The following KIF18A variants were observed in gnomAD, a reference collection of about 807,000 sequenced individuals.
KIF18A encodes kinesin-like protein KIF18A.
In KIF18A, 67 loss-of-function variants were observed where a neutral mutation model predicts 103.3. That is an observed-to-expected ratio of 0.65 (90% CI 0.53 to 0.79). KIF18A has a LOEUF of 0.79. Among genes scored for constraint, KIF18A ranks in the 30% least tolerant of loss-of-function variants. The pLI is 0.00. For missense variants in KIF18A, 1,032 were observed against 1,062.5 expected, an observed-to-expected ratio of 0.97 and a Z score of 0.40; for synonymous variants, 367 against 355.5, an observed-to-expected ratio of 1.03 and a Z score of -0.36.
chr11:28,097,935 C>T lies in KIF18A; in HGVS notation c.13G>A (p.Glu5Lys), dbSNP rs755080225. The T allele has an allele frequency of 1.9e-6, 3 of 1,567,674 alleles. No homozygotes were observed. Among genetic ancestry groups the T allele is most frequent in the Admixed American group, 2.0e-5 (1 of 50,704 alleles). ...TTCATATGGTGGCACAGGTCTTCCT[C>T]AGTGACAGACATTGTTGATTATCTT... The part of the protein sequence containing the change: MSVT[E>K]EDLCHHMKVV... Residue 5 changes from glutamate (E) to lysine (K), a missense_variant, in exon 2 of 17, where the codon GAG becomes AAG. Glu to Lys is a moderately conservative substitution (Grantham distance 56, BLOSUM62 1). Transcript: ENST00000263181.
chr11:28,107,544 C>T (rs1458785877), intron 1 of KIF18A, among the ~76,000 whole-genome samples: 1 of 152,190 alleles, frequency 6.6e-6, no homozygotes, highest in East Asian at 1.9e-4. Flanking sequence ...TATCTCGATG[C>T]TACCTACAAC....
chr11:28,071,736 C>T (rs1286773530), intron 10 of KIF18A, among the ~76,000 whole-genome samples: 1 of 151,976 alleles, frequency 6.6e-6, no homozygotes, highest in Non-Finnish European at 1.5e-5. Context: ...GAGGTGTGAC[C>T]TATTGACTTT....
chr11:28,028,160 A>T (rs1311648906), intron 15 of KIF18A, among the ~76,000 whole-genome samples: 1 of 151,460 alleles, frequency 6.6e-6, no homozygotes, highest in Non-Finnish European at 1.5e-5. Flanking sequence ...TTATGATAAA[A>T]ACTCTCACCA....
chr11:28,098,046 A>C, intron 1 of KIF18A, 53 bp from the exon 2 acceptor site: 1 of 900,514 alleles, frequency 1.1e-6, no homozygotes, highest in South Asian at 1.8e-5. Context: ...CTTTCATGCA[A>C]AACAACTGGC....
chr11:28,057,038 A>T (rs1471843442), intron 13 of KIF18A: 6 of 194,272 alleles, frequency 3.1e-5, no homozygotes, highest in African/African-American at 7.2e-5. Flanking sequence ...CATATATATA[A>T]AAAAAAGCAG....
intron 10 of KIF18A, among the ~76,000 whole-genome samples, chr11:28,071,538 ATAT>A (rs1038097835): frequency 3.3e-5 from 5 of 149,696 alleles, no homozygotes; most frequent in Admixed American, 6.7e-5. Context: ...CTATTATTTA[ATAT>A]TATTTATTTT....
At chr11:28,070,512 T>C (rs750520290) in intron 10 of KIF18A, among the ~76,000 whole-genome samples, 2 of 152,180 alleles carry the variant, frequency 1.3e-5, no homozygotes, top group Non-Finnish European at 2.9e-5. Context: ...GCTAGAGTCA[T>C]AGATAAGGGA....
At chr11:28,089,372 C>A (rs1851271799) in intron 5 of KIF18A, among the ~76,000 whole-genome samples, 1 of 152,050 alleles carries the variant, frequency 6.6e-6, no homozygotes, top group Non-Finnish European at 1.5e-5. Context: ...TAGCAGACTG[C>A]TTTTGGGGTA....
rs370596322 is a variant in KIF18A, at chr11:28,043,898, A to G, written c.1949-7234T>C. The stretch of plus-strand genomic sequence containing the variant: ...TATAATAAATATAATCCTGCTCTGT[A>G]AAATAATAAATGACCAAAAAAAAAA... On this transcript the variant is annotated intron_variant, in intron 13 of 16. Coordinates refer to ENST00000263181, the MANE Select transcript of KIF18A (RefSeq NM_031217.4). Among the ~76,000 whole-genome samples, 112 of 108,584 alleles carry G rather than the reference A, an allele frequency of 1.0e-3. 2 individuals carry two copies. The East Asian group carries it at 0.016, about 15-fold the overall frequency. 71.2% of individuals were successfully genotyped at this position (108,584 alleles called of 152,430 possible).
At chr11:28,067,097 A>G (rs868153052) in intron 11 of KIF18A, among the ~76,000 whole-genome samples, 61 of 152,090 alleles carry the variant, frequency 4.0e-4, no homozygotes, top group Middle Eastern at 3.4e-3. Flanking sequence ...TTGTTATTCA[A>G]AACAACTACT....
At chr11:28,072,313 A>G (rs1290581297) in intron 10 of KIF18A, among the ~76,000 whole-genome samples, 13 of 152,198 alleles carry the variant, frequency 8.5e-5, no homozygotes. Context: ...ATATTTTTAC[A>G]TTAAAAACAA....
chr11:28,044,018 G>A (rs116744232), intron 13 of KIF18A, among the ~76,000 whole-genome samples: 214 of 152,042 alleles, frequency 1.4e-3, no homozygotes, highest in African/African-American at 5.1e-3. Flanking sequence ...GCATGAGGTT[G>A]TCTCTGAAAG....
intron 1 of KIF18A, among the ~76,000 whole-genome samples, chr11:28,103,045 G>C (rs1268699862): frequency 6.6e-6 from 1 of 152,096 alleles, no homozygotes; most frequent in African/African-American, 2.4e-5. Context: ...TAGTATTATA[G>C]CCTCTGATCA....
At chr11:28,098,220 GGCACATAC>G (rs1208423454) in intron 1 of KIF18A, among the ~76,000 whole-genome samples, 6 of 151,822 alleles carry the variant, frequency 4.0e-5, no homozygotes, top group Non-Finnish European at 7.4e-5. Flanking sequence ...ACAATTAAAT[GGCACATAC>G]GTACACACAA....
At position 28,036,594 on chromosome 11, in the gene KIF18A, T is replaced by A; in HGVS notation, c.2019A>T (p.Pro673=). Residue 673 remains proline, a synonymous_variant, in exon 14 of 17, where the codon CCA becomes CCT. Transcript: ENST00000263181. ...TEKRTRRKLM[P]SPLKGQHTLK... ...GAGTATGCTGTCCTTTCAAGGGAGA[T>A]GGCATTAGTTTTCTCCGAGTTCTTT... 1 of 1,610,500 alleles carries A rather than the reference T, an allele frequency of 6.2e-7. No homozygotes were observed. The highest frequency in any genetic ancestry group is 8.5e-7 in the Non-Finnish European group (1 of 1,177,730).
intron 2 of KIF18A, among the ~76,000 whole-genome samples, chr11:28,096,453 G>A (rs898948565): frequency 6.6e-6 from 1 of 152,092 alleles, no homozygotes; most frequent in African/African-American, 2.4e-5. Flanking sequence ...TTATTCTTAA[G>A]CTTATTCTTA....
intron 12 of KIF18A, among the ~76,000 whole-genome samples, chr11:28,061,072 G>A (rs905899690): frequency 6.6e-6 from 1 of 152,142 alleles, no homozygotes. Context: ...TATCTGATGA[G>A]TCCTGTGAGT....
intron 1 of KIF18A, among the ~76,000 whole-genome samples, chr11:28,107,734 C>G (rs919431365): frequency 6.6e-6 from 1 of 152,216 alleles, no homozygotes; most frequent in African/African-American, 2.4e-5. Flanking sequence ...AAAGCTGACA[C>G]TACAAGGTGC....
At chr11:28,053,087 G>A (rs1191899172) in intron 13 of KIF18A, among the ~76,000 whole-genome samples, 1 of 151,666 alleles carries the variant, frequency 6.6e-6, no homozygotes, top group African/African-American at 2.4e-5. Flanking sequence ...GACAAAAGTG[G>A]GAGAGAGTGT....
Sources: gnomAD v4.1 joint callset for allele counts (sites outside exome capture counted in the v4.1 genomes callset) on GRCh38, gnomAD v4.1.1 for gene constraint, MANE v1.5 for transcripts, NCBI Gene and HGNC (gene_info 2026-07-23, HGNC 2026-07-21) for gene names.